Variants in OPLAH observed in about 807,000 individuals in gnomAD.
OPLAH encodes 5-oxoprolinase.
Under a neutral mutation model 122.8 loss-of-function variants are expected in OPLAH, and 103 were observed. That is an observed-to-expected ratio of 0.84 (90% CI 0.71 to 0.99). OPLAH has a LOEUF of 0.99. OPLAH is among the 50% of genes least tolerant of loss of function. OPLAH has a pLI of 0.00. For missense variants in OPLAH, 1,902 were observed against 1,836.5 expected, an observed-to-expected ratio of 1.04 and a Z score of -0.65; for synonymous variants, 875 against 796.0, an observed-to-expected ratio of 1.10 and a Z score of -1.67.
Position 144,053,071 on chromosome 8 carries a change from G to C in OPLAH, c.2930C>G (p.Ala977Gly), listed in dbSNP as rs1835427989. 6.2e-7 allele frequency: 1 copy of C among 1,601,920 alleles called. No individual in the cohort carries two copies. The highest frequency in any genetic ancestry group is 8.5e-7 in the Non-Finnish European group (1 of 1,175,322). Reference protein sequence around the residue: ...MLRAFGTSRQARGLPLEVSSE... With the variant: ...MLRAFGTSRQGRGLPLEVSSE... ...GGACACCTCCAGGGGCAGGCCCCGG[G>C]CCTGCCGGGAGGTTCCAAAGGCACG... Residue 977 changes from alanine to glycine, a missense_variant, in exon 21 of 27, where the codon GCC becomes GGC. Ala to Gly is a moderately conservative substitution (Grantham distance 60). Around this residue, in one of 3 missense-constraint regions of OPLAH, gnomAD observed 1,726 missense variants for 1,642.1 expected, o/e 1.05. Transcript: ENST00000618853.
At chr8:144,051,655 A>G in intron 26 of OPLAH, 74 bp downstream of exon 26, 1 of 1,299,024 alleles carries the variant, frequency 7.7e-7, no homozygotes, top group Admixed American at 2.0e-5. Flanking sequence ...CAGGTCTGCA[A>G]CTGTTCCCCC....
chr8:144,052,089 G>GGAC lies in OPLAH; in HGVS notation c.3462-16_3462-14dup. ...GATGACCGGGTACCTGCGAGGGCGA[G>GGAC]GACGAGGGCAAAGACTCAGCGTGGC... On this transcript the variant is annotated splice_polypyrimidine_tract_variant and intron_variant, in intron 24 of 26. Coordinates refer to ENST00000618853, the MANE Select transcript of OPLAH (RefSeq NM_017570.5). The GGAC allele has an allele frequency of 6.3e-7, 1 of 1,575,814 alleles. No individual in the cohort carries two copies. The highest frequency in any genetic ancestry group is 1.1e-5 in the South Asian group (1 of 88,146).
Position 144,055,583 on chromosome 8 carries a change from T to C in OPLAH, c.2248+205A>G, listed in dbSNP as rs1381942774. Among the ~76,000 whole-genome samples, 2 of 152,136 alleles carry C rather than the reference T, an allele frequency of 1.3e-5. No individual in the cohort carries two copies. Among genetic ancestry groups the C allele is most frequent in the African/African-American group, 4.8e-5 (2 of 41,438 alleles). On this transcript the variant is annotated intron_variant, in intron 16 of 26. Transcript: ENST00000618853. This position sits in a 1 kb window ranked among gnomAD's most constrained non-coding sequence, Gnocchi z 6.5. ...CTAGGAGGGCACTCTCTGGATCACATGGCTGCAGGTAAGGGGGGAAGGTGT... is the reference window on the plus strand; with the variant it reads ...CTAGGAGGGCACTCTCTGGATCACACGGCTGCAGGTAAGGGGGGAAGGTGT...
chr8:144,051,613 C>T (rs1283504328), intron 26 of OPLAH, 116 bp downstream of exon 26: 3 of 1,188,322 alleles, frequency 2.5e-6, no homozygotes, highest in Non-Finnish European at 3.5e-6. Context: ...GCCCCCTTTC[C>T]TTCCGGGGCC....
At position 144,055,985 on chromosome 8, in the gene OPLAH, C is replaced by T; in HGVS notation, c.2097-46G>A. On this transcript the variant is annotated intron_variant, in intron 15 of 26. Transcript: ENST00000618853. The surrounding 1 kb of genome is among the most constrained non-coding windows in gnomAD (Gnocchi z 6.5). ...AGGGCTGCATGGGGCCAGGCGACAC[C>T]CCTCCAACCAGAGATGCCACGGCCC... 1 of 1,508,566 alleles carries T rather than the reference C, an allele frequency of 6.6e-7. No homozygotes were observed. Among genetic ancestry groups the T allele is most frequent in the Non-Finnish European group, 8.9e-7 (1 of 1,124,098 alleles). The allele number at this position is 1,508,566 out of a possible 1,614,324, so 93.4% of individuals were successfully genotyped here. A position where few individuals can be genotyped will look rare whatever the true frequency, so the allele number is the denominator to read the frequency against.
chr8:144,057,721 G>A lies in OPLAH; in HGVS notation c.1157-8C>T. 6 of 1,609,808 alleles carry A rather than the reference G, an allele frequency of 3.7e-6. No individual in the cohort carries two copies. Among genetic ancestry groups the A allele is most frequent in the Non-Finnish European group, 5.1e-6 (6 of 1,178,180 alleles). Reference sequence around the variant, plus strand: ...TCACTGTCACAGGGCCCCCTGGGAGGTGGACAGGGTGTGGGGCTTGGGGGC... The same window carrying A: ...TCACTGTCACAGGGCCCCCTGGGAGATGGACAGGGTGTGGGGCTTGGGGGC... On this transcript the variant is annotated splice_region_variant and splice_polypyrimidine_tract_variant and intron_variant, in intron 9 of 26. Coordinates refer to ENST00000618853, the MANE Select transcript of OPLAH (RefSeq NM_017570.5).
rs906816871 is a variant in OPLAH at position 144,059,422 on chromosome 8, G to A, written c.363+177C>T. 1.5e-4 allele frequency among the ~76,000 whole-genome samples: 23 copies of A among 152,358 alleles called. No individual in the cohort carries two copies. In the East Asian group the frequency reaches 4.2e-3, roughly 28 times the overall value. ...GCGGCAGGCAGGAACAGGGCATCCTGTGCCCACTCCGAGGGCTAGGAGAAC... is the reference window on the plus strand; with the variant it reads ...GCGGCAGGCAGGAACAGGGCATCCTATGCCCACTCCGAGGGCTAGGAGAAC... On this transcript the variant is annotated intron_variant, in intron 3 of 26. Transcript: ENST00000618853.
intron 3 of OPLAH, 61 bp from the exon 4 acceptor site, chr8:144,059,140 G>T: frequency 7.4e-7 from 1 of 1,344,018 alleles, no homozygotes; most frequent in Non-Finnish European, 1.0e-6. Flanking sequence ...GGGGTCCTGT[G>T]TGAGTGGGTG....
intron 26 of OPLAH, 51 bp downstream of exon 26, chr8:144,051,678 G>A: frequency 7.0e-7 from 1 of 1,426,872 alleles, no homozygotes; most frequent in Non-Finnish European, 9.6e-7. Context: ...TGTGGGATGG[G>A]GCCGGGAGGG....
intron 26 of OPLAH, 126 bp downstream of exon 26, chr8:144,051,603 G>T: frequency 1.7e-6 from 2 of 1,150,756 alleles, no homozygotes; most frequent in South Asian, 1.5e-5. Flanking sequence ...CCCGGTACGC[G>T]CCCCCTTTCC....
At position 144,055,099 on chromosome 8, in the gene OPLAH, C is replaced by A; in HGVS notation, c.2339G>T (p.Gly780Val). Reference protein sequence around the residue: ...DFSCALFGPDGGLVSNAPHIP... With the variant: ...DFSCALFGPDVGLVSNAPHIP... ...GTGGGGGGCATTGGACACCAGCCCC[C>A]CATCGGGCCCAAAGAGGGCACAGGA... is the stretch of plus-strand genomic sequence containing the variant. Residue 780 changes from glycine to valine, a missense_variant, in exon 17 of 27, where the codon GGG becomes GTG. Gly to Val is a moderately radical substitution (Grantham distance 109). Transcript: ENST00000618853. The surrounding 1 kb of genome is among the most constrained non-coding windows in gnomAD (Gnocchi z 6.5). The A allele has an allele frequency of 6.3e-7, 1 of 1,580,274 alleles. No individual in the cohort carries two copies. The highest frequency in any genetic ancestry group is 8.6e-7 in the Non-Finnish European group (1 of 1,163,788).
At position 144,058,409 on chromosome 8, in the gene OPLAH, G is replaced by C; in HGVS notation, c.784-5C>G. ...CATGAACAACACCTGCACATCCTGC[G>C]AGCGGGCAGCAGGCGGGCCATGAGG... On this transcript the variant is annotated splice_polypyrimidine_tract_variant and splice_region_variant and intron_variant, in intron 6 of 26. Transcript: ENST00000618853. The C allele has an allele frequency of 6.3e-7, 1 of 1,588,412 alleles. No homozygotes were observed. The highest frequency in any genetic ancestry group is 8.5e-7 in the Non-Finnish European group (1 of 1,171,566).
Position 144,058,525 on chromosome 8 carries a change from A to G in OPLAH, c.754T>C (p.Phe252Leu), listed in dbSNP as rs971787738. The G allele has an allele frequency of 1.9e-6, 3 of 1,590,546 alleles. No individual in the cohort carries two copies. The highest frequency in any genetic ancestry group is 2.6e-6 in the Non-Finnish European group (3 of 1,173,024). Residue 252 changes from phenylalanine (F) to leucine (L), a missense_variant, in exon 6 of 27, where the codon TTC (phenylalanine) becomes CTC (leucine). By Grantham distance (22) the Phe-to-Leu change is conservative (BLOSUM62 0). Coordinates refer to ENST00000618853, the MANE Select transcript of OPLAH (RefSeq NM_017570.5). Reference protein sequence around the residue: ...TPAIQRYVQGFCRGFQGQLKD... With the variant: ...TPAIQRYVQGLCRGFQGQLKD... ...AGTTGGCCCTGGAAGCCACGGCAGA[A>G]GCCCTGCACGTAGCGCTGGATGGCG...
At chr8:144,050,350 G>C (rs1051075005), downstream of OPLAH, 3 of 976,000 alleles carry the variant, frequency 3.1e-6, no homozygotes, top group African/African-American at 3.5e-5. Context: ...GCTGGACTGG[G>C]CCGAGAAGTT....
In OPLAH at chr8:144,059,983, G is replaced by A. The variant is rs782491462; in HGVS notation, c.50C>T (p.Thr17Ile). The A allele has an allele frequency of 1.5e-5, 24 of 1,612,732 alleles. No homozygotes were observed. Among genetic ancestry groups the A allele is most frequent in the Non-Finnish European group, 1.9e-5 (23 of 1,179,812 alleles). Residue 17 changes from threonine to isoleucine, a missense_variant, in exon 2 of 27, where the codon ACC becomes ATC. Thr to Ile is a moderately conservative substitution (Grantham distance 89). Transcript: ENST00000618853. ...GCACTGGGCAAAGACGTCTGTGAAGGTACCCCCACGGTCGATGGCAAAGTG... is the reference window on the plus strand; with the variant it reads ...GCACTGGGCAAAGACGTCTGTGAAGATACCCCCACGGTCGATGGCAAAGTG... The part of the protein sequence containing the change: ...RFHFAIDRGG[T>I]FTDVFAQCPG...
At position 144,058,597 on chromosome 8, in the gene OPLAH, T is replaced by C. The variant is rs1835589638; in HGVS notation, c.682A>G (p.Ile228Val). 4.4e-6 allele frequency: 7 copies of C among 1,603,284 alleles called. No individual in the cohort carries two copies. The highest frequency in any genetic ancestry group is 5.9e-6 in the Non-Finnish European group (7 of 1,179,418). Residue 228 changes from isoleucine to valine, a missense_variant, in exon 6 of 27, where the codon ATC becomes GTC. Ile to Val is a conservative substitution (Grantham distance 29, BLOSUM62 3). Around this residue, in one of 3 missense-constraint regions of OPLAH, gnomAD observed 1,726 missense variants for 1,642.1 expected, o/e 1.05. Coordinates refer to ENST00000618853, the MANE Select transcript of OPLAH (RefSeq NM_017570.5). Reference protein sequence around the residue: ...LSSEAMPMVRIVPRGHTACAD... With the variant: ...LSSEAMPMVRVVPRGHTACAD... ...CAGGCCGTGTGCCCCCGAGGGACGA[T>C]GCGCACCATGGGCATGGCCTCCGAG...
At chr8:144,063,345 G>A (rs1835693362), upstream of OPLAH, among the ~76,000 whole-genome samples, 1 of 152,146 alleles carries the variant, frequency 6.6e-6, no homozygotes, top group Non-Finnish European at 1.5e-5. This position sits in a 1 kb window ranked among gnomAD's most constrained non-coding sequence, Gnocchi z 4.2. Context: ...CTCCACCCCG[G>A]CCAGGCTTCC....
rs782096575 is a variant in OPLAH, at chr8:144,052,490, C to G, written c.3262G>C (p.Asp1088His). The G allele has an allele frequency of 1.9e-6, 3 of 1,564,464 alleles. No homozygotes were observed. The highest frequency in any genetic ancestry group is 2.6e-6 in the Non-Finnish European group (3 of 1,161,746). Residue 1088 changes from aspartate (D) to histidine (H), a missense_variant, in exon 23 of 27, where the codon GAT (aspartate) becomes CAT (histidine). Asp to His is a moderately conservative substitution (Grantham distance 81). This residue lies in a region of OPLAH where 1,726 missense variants were observed against 1,642.1 expected (regional missense o/e 1.05). Coordinates refer to ENST00000618853, the MANE Select transcript of OPLAH (RefSeq NM_017570.5). ...GCCCCAAAGGCCCCCAGGATGACAT[C>G]CACCACGCGCTGCGACGTGAGCACG... ...GNVLTSQRVV[D>H]VILGAFGACA... is the part of the protein sequence containing the mutation.
Position 144,057,903 on chromosome 8 carries a change from C to G in OPLAH, c.1109G>C (p.Gly370Ala). The change falls in exon 9 of 27, where the codon GGG (glycine) becomes GCG (alanine). Residue 370 changes from glycine (G) to alanine (A), a missense_variant. Physicochemically the swap from Gly to Ala is moderately conservative, Grantham distance 60. Around this residue, in one of 3 missense-constraint regions of OPLAH, gnomAD observed 1,726 missense variants for 1,642.1 expected, o/e 1.05. Transcript: ENST00000618853. Reference protein sequence around the residue: ...LFFRSGLFVVGPESAGAHPGP... With the variant: ...LFFRSGLFVVAPESAGAHPGP... ...TGGGTGGGCTCCTGCTGACTCGGGC[C>G]CAACCACAAAGAGGCCAGACCTAGG... 1 of 1,612,174 alleles carries G rather than the reference C, an allele frequency of 6.2e-7. No homozygotes were observed. Among genetic ancestry groups the G allele is most frequent in the Non-Finnish European group, 8.5e-7 (1 of 1,179,642 alleles).
Sources: gnomAD v4.1 joint callset for allele counts (sites outside exome capture counted in the v4.1 genomes callset) on GRCh38, gnomAD v4.1.1 for gene constraint, gnomAD v4.1.1 regional missense constraint, Gnocchi (gnomAD v3.1) non-coding constraint, MANE v1.5 for transcripts, NCBI Gene and HGNC (gene_info 2026-07-23, HGNC 2026-07-21) for gene names.